Variants in UEVLD observed in about 807,000 individuals in gnomAD.
The protein encoded by UEVLD is ubiquitin-conjugating enzyme E2 variant 3.
Under a neutral mutation model 58.6 loss-of-function variants are expected in UEVLD, and 47 were observed. The ratio of observed to expected loss-of-function variants is 0.80; its 90% CI spans 0.63 to 1.02. UEVLD has a LOEUF of 1.02. UEVLD is among the 50% of genes least tolerant of loss of function. The pLI, the probability that UEVLD is intolerant of heterozygous loss-of-function variation, is 0.00. For synonymous variants in UEVLD, 197 were observed against 195.3 expected, an observed-to-expected ratio of 1.01 and a Z score of -0.07; for missense variants, 510 against 550.6, an observed-to-expected ratio of 0.93 and a Z score of 0.74.
intron 1 of UEVLD, among the ~76,000 whole-genome samples, 191 bp from the exon 2 acceptor site, chr11:18,578,999 C>A (rs1230333710): frequency 1.3e-5 from 2 of 152,122 alleles, no homozygotes; most frequent in South Asian, 4.1e-4. Flanking sequence ...TCCTGAGTTG[C>A]TGGGATTACA....
chr11:18,533,071 T>G (rs1290076443), intron 11 of UEVLD, among the ~76,000 whole-genome samples: 2 of 151,104 alleles, frequency 1.3e-5, no homozygotes, highest in African/African-American at 2.4e-5. Flanking sequence ...TCTTTTTTTT[T>G]TTTTTGAGAT....
intron 8 of UEVLD, 122 bp from the exon 9 acceptor site, chr11:18,544,918 GTA>G (rs1394923882): frequency 1.8e-6 from 1 of 549,748 alleles, no homozygotes. Context: ...GGCATTATAT[GTA>G]TATATATACA....
At position 18,587,439 on chromosome 11, in the gene UEVLD, A is replaced by C. The variant is rs147443205; in HGVS notation, c.42+1174T>G. On this transcript the variant is annotated intron_variant, in intron 1 of 11. Transcript: ENST00000396197. ...ACGGGTATGTAAACTGCCCCAACAA[A>C]GAAAGAGGCAAGTATAACAAAAATG... Among the ~76,000 whole-genome samples the C allele has an allele frequency of 2.0e-4, 30 of 152,330 alleles. 1 individual carries two copies. The highest frequency in any genetic ancestry group is 7.2e-4 in the African/African-American group (30 of 41,572).
intron 7 of UEVLD, among the ~76,000 whole-genome samples, chr11:18,555,974 A>G (rs558729610): frequency 2.0e-4 from 31 of 152,278 alleles, no homozygotes; most frequent in African/African-American, 6.5e-4. Context: ...TACAACCACA[A>G]TTAATAAGGG....
chr11:18,542,892 T>TTTCTTTTC (rs1409511314), intron 9 of UEVLD, among the ~76,000 whole-genome samples: 1 of 143,012 alleles, frequency 7.0e-6, no homozygotes, highest in Non-Finnish European at 1.5e-5. Flanking sequence ...TTTCTTTTCT[T>TTTCTTTTC]TTTTTTTTTT....
At position 18,580,397 on chromosome 11, in the gene UEVLD, A is replaced by G. The variant is rs561858717; in HGVS notation, c.43-1589T>C. ...GAAAAATGAAAACGGGTACCTACAC[A>G]AAAACTTGTATGCAATTGTTCATAG... On this transcript the variant is annotated intron_variant, in intron 1 of 11. Transcript: ENST00000396197. Among the ~76,000 whole-genome samples, 4 of 152,304 alleles carry G rather than the reference A, an allele frequency of 2.6e-5. No individual in the cohort carries two copies. The East Asian group carries it at 7.7e-4, about 29-fold the overall frequency.
At chr11:18,565,900 C>CTTTTTTTTTT in intron 5 of UEVLD, among the ~76,000 whole-genome samples, 1 of 135,842 alleles carries the variant, frequency 7.4e-6, no homozygotes, top group Non-Finnish European at 1.6e-5. Flanking sequence ...CTTTTTTTTT[C>CTTTTTTTTTT]TTTTTTTTTT....
intron 10 of UEVLD, among the ~76,000 whole-genome samples, chr11:18,535,908 G>A (rs535903252): frequency 1.3e-5 from 2 of 152,308 alleles, no homozygotes; most frequent in East Asian, 3.9e-4. Context: ...AGGCCAAGGC[G>A]GGTGGATCAT....
At chr11:18,568,179 A>G (rs1371831362) in intron 4 of UEVLD, among the ~76,000 whole-genome samples, 1 of 152,220 alleles carries the variant, frequency 6.6e-6, no homozygotes, top group Non-Finnish European at 1.5e-5. Flanking sequence ...TATAATAAAG[A>G]GGCTCAGAAC....
Position 18,578,931 on chromosome 11 carries a change from G to T in UEVLD, c.43-123C>A, listed in dbSNP as rs1590372775. ...TGCCCAGGCTGGAATGCAGTGGCGGGATCTCAGCTCACTGCAACCTCCGTC... is the reference window on the plus strand; with the variant it reads ...TGCCCAGGCTGGAATGCAGTGGCGGTATCTCAGCTCACTGCAACCTCCGTC... On this transcript the variant is annotated intron_variant, in intron 1 of 11. Coordinates refer to ENST00000396197, the MANE Select transcript of UEVLD (RefSeq NM_001040697.4). The T allele has an allele frequency of 1.6e-5, 10 of 614,524 alleles. No homozygotes were observed. The East Asian group carries it at 2.9e-4, about 18-fold the overall frequency. The allele number at this position is 614,524 out of a possible 1,614,324, so 38.1% of individuals were successfully genotyped here.
intron 7 of UEVLD, among the ~76,000 whole-genome samples, chr11:18,549,820 T>C (rs978897396): frequency 1.3e-5 from 2 of 152,072 alleles, no homozygotes; most frequent in Non-Finnish European, 2.9e-5. Flanking sequence ...TTATTTTTTA[T>C]TTATTTAATT....
At chr11:18,577,923 T>C (rs981675678) in intron 2 of UEVLD, among the ~76,000 whole-genome samples, 3 of 151,284 alleles carry the variant, frequency 2.0e-5, no homozygotes, top group Admixed American at 2.0e-4. Context: ...AAATATTTCT[T>C]AGAAAACCAA....
chr11:18,562,203 A>C lies in UEVLD; in HGVS notation c.612+2689T>G, dbSNP rs145791844. ...AGGCTCAAGCAATCCTCAGCCACCCAAGTTGCTGGGACTACCAGTGTGCAC... is the reference window on the plus strand; with the variant it reads ...AGGCTCAAGCAATCCTCAGCCACCCCAGTTGCTGGGACTACCAGTGTGCAC... On this transcript the variant is annotated intron_variant, in intron 6 of 11. Coordinates refer to ENST00000396197, the MANE Select transcript of UEVLD (RefSeq NM_001040697.4). Among the ~76,000 whole-genome samples, 452 of 152,054 alleles carry C rather than the reference A, an allele frequency of 3.0e-3. 3 individuals carry two copies. The highest frequency in any genetic ancestry group is 0.01 in the African/African-American group (417 of 41,484).
At chr11:18,535,165 T>C (rs781448855) in intron 10 of UEVLD, among the ~76,000 whole-genome samples, 60 of 152,322 alleles carry the variant, frequency 3.9e-4, no homozygotes, top group Admixed American at 1.1e-3. Context: ...AATTTTTTCT[T>C]TTTAGAGACA....
Position 18,536,406 on chromosome 11 carries a change from C to G in UEVLD, c.1124G>C (p.Arg375Thr), listed in dbSNP as rs1425109701. 1 of 1,613,628 alleles carries G rather than the reference C, an allele frequency of 6.2e-7. No homozygotes were observed. Among genetic ancestry groups the G allele is most frequent in the Middle Eastern group, 1.7e-4 (1 of 6,060 alleles). The change falls in exon 10 of 12, where the codon AGA becomes ACA. Residue 375 changes from arginine to threonine, a missense_variant and splice_region_variant. Physicochemically the swap from Arg to Thr is moderately conservative, Grantham distance 71. Transcript: ENST00000396197. The stretch of plus-strand genomic sequence containing the variant: ...AATGCAAATTTCCAGTCAGTGTTAC[C>G]TGTTGGACAGCTGCACTTGAGAGGT... ...SHTSQVQLSNRAMELLRVKGQ... is the reference protein window; with the variant it reads ...SHTSQVQLSNTAMELLRVKGQ...
At chr11:18,570,067 A>G in intron 4 of UEVLD, 147 bp downstream of exon 4, 3 of 889,406 alleles carry the variant, frequency 3.4e-6, no homozygotes, top group Non-Finnish European at 4.8e-6. Flanking sequence ...AACCCTAGAG[A>G]GCTCAATTTC....
chr11:18,563,780 G>C, intron 6 of UEVLD: 1 of 767,822 alleles, frequency 1.3e-6, no homozygotes, highest in Non-Finnish European at 1.6e-6. Flanking sequence ...CAGGGCAGGT[G>C]GATCACTTGA....
intron 1 of UEVLD, among the ~76,000 whole-genome samples, chr11:18,586,215 AT>A (rs1005237571): frequency 2.4e-4 from 36 of 151,202 alleles, no homozygotes; most frequent in African/African-American, 8.7e-4. Flanking sequence ...TTTTAAATTC[AT>A]TTTTTTTTAT....
At chr11:18,586,469 G>A (rs756305212) in intron 1 of UEVLD, among the ~76,000 whole-genome samples, 5 of 151,926 alleles carry the variant, frequency 3.3e-5, no homozygotes, top group Admixed American at 6.6e-5. Context: ...TACCCGCCTC[G>A]GTCTCCCAAA....
Sources: gnomAD v4.1 joint callset for allele counts (sites outside exome capture counted in the v4.1 genomes callset) on GRCh38, gnomAD v4.1.1 for gene constraint, MANE v1.5 for transcripts, NCBI Gene and HGNC (gene_info 2026-07-23, HGNC 2026-07-21) for gene names.